The following CD99L2 variants were observed in gnomAD, a reference collection of about 807,000 sequenced individuals.
CD99L2 encodes the protein CD99 molecule like 2.
CD99L2 carries 24 observed loss-of-function variants against 27.3 expected under a neutral mutation model. The ratio of observed to expected loss-of-function variants is 0.88; its 90% confidence interval spans 0.64 to 1.24. The LOEUF is 1.24. Ranked by LOEUF, CD99L2 falls within the 50% of genes most tolerant of loss-of-function variation. The probability of loss-of-function intolerance (pLI) is 0.00; values close to 1 mark genes in which losing one functional copy is unlikely to be tolerated. For missense variants in CD99L2, 255 were observed against 221.6 expected (o/e 1.15, Z -0.96); for synonymous variants, 97 against 87.9 (o/e 1.10, Z -0.58).
At position 150,768,545 on chromosome X, in the gene CD99L2, G is replaced by C. The variant is rs916679894; in HGVS notation, c.*489C>G. On this transcript the variant is annotated 3_prime_UTR_variant, in exon 11 of 11. Coordinates refer to ENST00000370377, the MANE Select transcript of CD99L2 (RefSeq NM_031462.4). ...GCTGACCGGTTCGCTCCTTGCAGGG[G>C]CTCCAAGTGGGTGCAGGCTGAGCCC... is the stretch of plus-strand genomic sequence containing the variant. 3.4e-5 allele frequency: 4 copies of C among 117,406 alleles called. No homozygotes were observed. Among genetic ancestry groups the C allele is most frequent in the Non-Finnish European group, 7.0e-5 (4 of 56,954 alleles). 9.7% of individuals were successfully genotyped at this position (117,406 alleles called of 1,213,427 possible). A position where few individuals can be genotyped will look rare whatever the true frequency, so the allele number is the denominator to read the frequency against.
chrX:150,795,402 AG>A lies in CD99L2; in HGVS notation c.346+15del, dbSNP rs782742278. The stretch of plus-strand genomic sequence containing the variant: ...GGATCCTTGCCTTACTACTCTCCTC[AG>A]AGCGGCCACCTTACCTAAAGTATTT... On this transcript the variant is annotated intron_variant, in intron 5 of 10. Coordinates refer to ENST00000370377, the MANE Select transcript of CD99L2 (RefSeq NM_031462.4). 1.7e-6 allele frequency: 2 copies of A among 1,209,354 alleles called. No individual in the cohort carries two copies. Among genetic ancestry groups the A allele is most frequent in the African/African-American group, 3.5e-5 (2 of 57,089 alleles).
In CD99L2 at chrX:150,801,853, T is replaced by C. The variant is rs1196894985; in HGVS notation, c.278-6367A>G. 2.7e-5 allele frequency among the ~76,000 whole-genome samples: 3 copies of C among 111,086 alleles called. No individual in the cohort carries two copies. The East Asian group carries it at 8.4e-4, about 31-fold the overall frequency. ...TGGACATGAAAAAATCTAACACTCA[T>C]TTATGGAAAAAAAATACTTTCAGCA... On this transcript the variant is annotated intron_variant, in intron 4 of 10. Transcript: ENST00000370377.
chrX:150,870,735 G>A (rs951866424), intron 1 of CD99L2, among the ~76,000 whole-genome samples: 1 of 111,233 alleles, frequency 9.0e-6, no homozygotes, highest in African/African-American at 3.3e-5. Flanking sequence ...GACAGCCAGA[G>A]CCACTGTCTC....
At chrX:150,770,726 G>A (rs1048294660) in intron 9 of CD99L2, among the ~76,000 whole-genome samples, 4 of 113,136 alleles carry the variant, frequency 3.5e-5, no homozygotes, top group African/African-American at 9.6e-5. Context: ...GTCCGTGTGC[G>A]TGTGCGGCCC....
At chrX:150,891,726 CT>C (rs2047514843) in intron 1 of CD99L2, among the ~76,000 whole-genome samples, 1 of 111,417 alleles carries the variant, frequency 9.0e-6, no homozygotes, top group Non-Finnish European at 1.9e-5. Context: ...GAACATGTGC[CT>C]ACATGAAAGA....
In CD99L2 at chrX:150,768,880, C is replaced by G. The variant is rs185206015; in HGVS notation, c.*154G>C. ...CTTGGGGCAGGGCAGAGAAACCAAA[C>G]TCACAAACACCCAGAGCTCATCCGG... On this transcript the variant is annotated 3_prime_UTR_variant, in exon 11 of 11. Coordinates refer to ENST00000370377, the MANE Select transcript of CD99L2 (RefSeq NM_031462.4). The G allele has an allele frequency of 9.7e-7, 1 of 1,032,806 alleles. No homozygotes were observed. Among genetic ancestry groups the G allele is most frequent in the African/African-American group, 2.0e-5 (1 of 50,359 alleles). The allele number at this position is 1,032,806 out of a possible 1,213,427, so 85.1% of individuals were successfully genotyped here.
At chrX:150,862,750 A>C (rs2046997332) in intron 1 of CD99L2, among the ~76,000 whole-genome samples, 1 of 110,964 alleles carries the variant, frequency 9.0e-6, no homozygotes, top group Non-Finnish European at 1.9e-5. Context: ...CATGAACATT[A>C]CATCCCCTGC....
chrX:150,833,793 A>G (rs2124246134), intron 1 of CD99L2, among the ~76,000 whole-genome samples: 1 of 112,023 alleles, frequency 8.9e-6, no homozygotes, highest in Admixed American at 9.5e-5. Flanking sequence ...TGAATAAAAG[A>G]CTTAAATGCA....
chrX:150,815,896 T>C, intron 3 of CD99L2, 111 bp downstream of exon 3: 1 of 752,422 alleles, frequency 1.3e-6, no homozygotes, highest in Non-Finnish European at 2.1e-6. Flanking sequence ...GATGCCTTGA[T>C]TGTTTCTGCA....
intron 8 of CD99L2, 57 bp downstream of exon 8, chrX:150,777,387 C>T: frequency 8.4e-7 from 1 of 1,194,249 alleles, no homozygotes; most frequent in Non-Finnish European, 1.1e-6. Context: ...TTTTGGGGTC[C>T]TGAGATTCAT....
intron 1 of CD99L2, among the ~76,000 whole-genome samples, chrX:150,833,513 A>G (rs1470076924): frequency 8.9e-6 from 1 of 112,103 alleles, no homozygotes; most frequent in Non-Finnish European, 1.9e-5. Flanking sequence ...TCTTGAGCAA[A>G]ATGCACAAAG....
intron 2 of CD99L2, among the ~76,000 whole-genome samples, chrX:150,818,314 T>C (rs1451897453): frequency 9.2e-6 from 1 of 108,597 alleles, no homozygotes; most frequent in Non-Finnish European, 1.9e-5. Context: ...CTCAAGTGCA[T>C]GTGAAACATT....
intron 10 of CD99L2, among the ~76,000 whole-genome samples, 167 bp from the exon 11 acceptor site, chrX:150,769,268 C>G (rs2043369267): frequency 8.9e-6 from 1 of 112,104 alleles, no homozygotes; most frequent in Non-Finnish European, 1.9e-5. Context: ...TTGGGCCGGT[C>G]AAGGGGAGAG....
chrX:150,898,321 G>C (rs2047651031), intron 1 of CD99L2, among the ~76,000 whole-genome samples: 1 of 111,678 alleles, frequency 9.0e-6, no homozygotes, highest in South Asian at 3.7e-4. Context: ...CCTCCTCTCC[G>C]GCTACTCCGA....
intron 7 of CD99L2, among the ~76,000 whole-genome samples, chrX:150,792,283 G>T (rs1319009019): frequency 8.9e-6 from 1 of 112,194 alleles, no homozygotes. Context: ...ATAAGGAAAA[G>T]CCCCTGACAT....
intron 9 of CD99L2, among the ~76,000 whole-genome samples, chrX:150,770,725 C>T (rs1167220391): frequency 3.5e-5 from 4 of 112,972 alleles, no homozygotes; most frequent in South Asian, 3.6e-4. Context: ...GGTCCGTGTG[C>T]GTGTGCGGCC....
chrX:150,793,748 C>G lies in CD99L2; in HGVS notation c.439G>C (p.Asp147His). The G allele has an allele frequency of 3.4e-6, 4 of 1,184,838 alleles. No homozygotes were observed. Among genetic ancestry groups the G allele is most frequent in the Non-Finnish European group, 4.5e-6 (4 of 881,539 alleles). Residue 147 changes from aspartate to histidine, a missense_variant, in exon 7 of 11, where the codon GAC (aspartate) becomes CAC (histidine). Asp to His is a moderately conservative substitution (Grantham distance 81). Coordinates refer to ENST00000370377, the MANE Select transcript of CD99L2 (RefSeq NM_031462.4). ...KPIAGGGGFS[D>H]KDLEDIVGGG... Reference sequence around the variant, plus strand: ...CCTACTATGTCTTCAAGATCCTTGTCTGAAAAACCTGGAGAAAATAAAACA... The same window carrying G: ...CCTACTATGTCTTCAAGATCCTTGTGTGAAAAACCTGGAGAAAATAAAACA...
At chrX:150,775,754 C>A (rs2043540668) in intron 9 of CD99L2, among the ~76,000 whole-genome samples, 1 of 112,552 alleles carries the variant, frequency 8.9e-6, no homozygotes, top group African/African-American at 3.2e-5. Context: ...CCCTCTGCTC[C>A]TGAGGGAGCC....
At chrX:150,844,834 C>T (rs1303588032) in intron 1 of CD99L2, among the ~76,000 whole-genome samples, 3 of 110,837 alleles carry the variant, frequency 2.7e-5, no homozygotes, top group Admixed American at 9.6e-5. Context: ...AGGTCTGACC[C>T]GGTCACTGAC....
Sources: allele counts gnomAD v4.1 joint callset (sites outside exome capture counted in the v4.1 genomes callset), GRCh38; gene constraint gnomAD v4.1.1; transcripts MANE v1.5; gene names NCBI Gene and HGNC (gene_info 2026-07-23, HGNC 2026-07-21).